VPS35L: variants seen among roughly 807,000 people sequenced by gnomAD.
The protein encoded by VPS35L is VPS35 endosomal protein sorting factor like.
Under a neutral mutation model 133.0 loss-of-function variants are expected in VPS35L, and 83 were observed. The ratio of observed to expected loss-of-function variants is 0.62; its 90% CI spans 0.52 to 0.75. The LOEUF (loss-of-function observed/expected upper bound fraction) is 0.75, where lower values mean the gene tolerates loss of function less well. VPS35L is among the 30% of genes least tolerant of loss of function. The pLI, the probability that VPS35L is intolerant of heterozygous loss-of-function variation, is 0.00. For missense variants in VPS35L, 1,083 were observed against 1,206.8 expected, an observed-to-expected ratio of 0.90 and a Z score of 1.52; for synonymous variants, 423 against 449.9, an observed-to-expected ratio of 0.94 and a Z score of 0.76.
chr16:19,571,250 T>G (rs1369402817), intron 3 of VPS35L, among the ~76,000 whole-genome samples: 1 of 152,130 alleles, frequency 6.6e-6, no homozygotes, highest in Admixed American at 6.5e-5. Flanking sequence ...ATAGTCTTGC[T>G]CTTTTGCCTA....
rs1975302720 is a variant in VPS35L at position 19,682,158 on chromosome 16, T to C, written c.2362-67T>C. 3.9e-6 allele frequency: 6 copies of C among 1,551,866 alleles called. 1 individual carries two copies. The highest frequency in any genetic ancestry group is 3.5e-5 in the South Asian group (3 of 86,406). On this transcript the variant is annotated intron_variant, in intron 27 of 30. Transcript: ENST00000417362. ...CTGCGGGAGGATCTGGGCTTCTGTG[T>C]TGATTTTCTTTTTCCCTCCCTGCTT...
intron 27 of VPS35L, among the ~76,000 whole-genome samples, chr16:19,674,239 A>G (rs1974984685): frequency 2.4e-5 from 3 of 123,960 alleles, no homozygotes; most frequent in South Asian, 5.1e-4. Flanking sequence ...CCCAGGCTAG[A>G]TGGAATGCAG....
At chr16:19,600,354 C>G (rs527521899) in intron 8 of VPS35L, among the ~76,000 whole-genome samples, 1 of 152,046 alleles carries the variant, frequency 6.6e-6, no homozygotes, top group East Asian at 1.9e-4. Flanking sequence ...TTTTTTACTT[C>G]CACATATTGA....
chr16:19,616,430 TGAG>T (rs1972895098), intron 13 of VPS35L, among the ~76,000 whole-genome samples: 1 of 152,152 alleles, frequency 6.6e-6, no homozygotes, highest in Non-Finnish European at 1.5e-5. Flanking sequence ...GCCTTGCTTC[TGAG>T]CATCTGCTGG....
chr16:19,599,564 C>G lies in VPS35L; in HGVS notation c.725-2100C>G, dbSNP rs115363570. 3.2e-3 allele frequency among the ~76,000 whole-genome samples: 480 copies of G among 150,054 alleles called. 3 individuals are homozygous for G. Among genetic ancestry groups the G allele is most frequent in the African/African-American group, 0.011 (463 of 40,482 alleles). On this transcript the variant is annotated intron_variant, in intron 8 of 30. Coordinates refer to ENST00000417362, the MANE Select transcript of VPS35L (RefSeq NM_020314.7). The stretch of plus-strand genomic sequence containing the variant: ...TTTTTTTTTTTTTTAAAGACAGTGT[C>G]TCACTCTGTTGCCCCAGGCTGGAGT...
intron 19 of VPS35L, among the ~76,000 whole-genome samples, chr16:19,634,804 AAG>A (rs1567442746): frequency 6.6e-6 from 1 of 152,172 alleles, no homozygotes; most frequent in East Asian, 1.9e-4. Flanking sequence ...TGCATATCTC[AAG>A]AGGTCTTCCT....
intron 7 of VPS35L, among the ~76,000 whole-genome samples, chr16:19,591,364 C>G (rs1321447679): frequency 3.9e-5 from 6 of 152,136 alleles, no homozygotes; most frequent in African/African-American, 1.4e-4. Flanking sequence ...GTTCAGTATA[C>G]AAGCAGGATC....
intron 3 of VPS35L, among the ~76,000 whole-genome samples, chr16:19,572,329 A>T (rs139612185): frequency 0.051 from 7,779 of 152,210 alleles, 364 homozygotes; most frequent in East Asian, 0.21. Context: ...GAGACAGGAG[A>T]ATCACTTGAA....
intron 12 of VPS35L, among the ~76,000 whole-genome samples, chr16:19,613,168 T>C (rs1272535348): frequency 6.6e-6 from 1 of 152,064 alleles, no homozygotes; most frequent in Non-Finnish European, 1.5e-5. Flanking sequence ...CCGGGCGTGG[T>C]GGTACACGCC....
chr16:19,621,457 C>T (rs1349902976), intron 14 of VPS35L, among the ~76,000 whole-genome samples: 2 of 152,194 alleles, frequency 1.3e-5, no homozygotes, highest in African/African-American at 4.8e-5. Context: ...GTAGGGCCAA[C>T]AGCAACAATA....
intron 28 of VPS35L, 117 bp from the exon 29 acceptor site, chr16:19,691,236 C>G (rs1300645693): frequency 2.0e-5 from 16 of 799,754 alleles, no homozygotes; most frequent in Admixed American, 3.9e-5. Flanking sequence ...TTCCATGTGC[C>G]CTGCCACGAC....
intron 1 of VPS35L, among the ~76,000 whole-genome samples, chr16:19,563,635 C>T (rs1357017412): frequency 6.6e-6 from 1 of 152,186 alleles, no homozygotes; most frequent in Non-Finnish European, 1.5e-5. Flanking sequence ...GCTTCAGTCT[C>T]CCCCTTTATT....
intron 27 of VPS35L, among the ~76,000 whole-genome samples, chr16:19,674,184 CTTT>C (rs201038834): frequency 5.6e-5 from 4 of 70,904 alleles, no homozygotes; most frequent in African/African-American, 1.9e-4. Flanking sequence ...TTTTCTTTTT[CTTT>C]TTTTTTTTTT....
Position 19,633,724 on chromosome 16 carries a change from GT to G in VPS35L, c.1635+561del, listed in dbSNP as rs971387275. On this transcript the variant is annotated intron_variant, in intron 19 of 30. Coordinates refer to ENST00000417362, the MANE Select transcript of VPS35L (RefSeq NM_020314.7). The surrounding 1 kb of genome is among the most constrained non-coding windows in gnomAD (Gnocchi z 4.1). ...CCAGATTTACTAGCTGTTAACATTT[GT>G]TTTTTTTTGTTTTTGTTTTTGTTTT... Among the ~76,000 whole-genome samples, 1 of 150,636 alleles carries G rather than the reference GT, an allele frequency of 6.6e-6. No individual in the cohort carries two copies.
intron 8 of VPS35L, among the ~76,000 whole-genome samples, chr16:19,600,064 T>C (rs964864337): frequency 1.3e-5 from 2 of 152,104 alleles, no homozygotes; most frequent in Admixed American, 6.6e-5. Flanking sequence ...TGAATGTAGA[T>C]AGGAAGGTAT....
chr16:19,559,704 T>C (rs1970966708), intron 1 of VPS35L, among the ~76,000 whole-genome samples: 1 of 152,022 alleles, frequency 6.6e-6, no homozygotes, highest in South Asian at 2.1e-4. Flanking sequence ...AAGATTTATT[T>C]CCACAAGCAG....
intron 24 of VPS35L, among the ~76,000 whole-genome samples, chr16:19,649,116 G>A (rs1207575856): frequency 6.6e-6 from 1 of 152,008 alleles, no homozygotes; most frequent in Non-Finnish European, 1.5e-5. Flanking sequence ...AGCCTCCCGA[G>A]TAGCTATAAT....
rs1971693103 is a variant in VPS35L, at chr16:19,581,037, T to C, written c.511-488T>C. Among the ~76,000 whole-genome samples the C allele has an allele frequency of 1.3e-5, 2 of 152,102 alleles. 1 individual carries two copies. Among genetic ancestry groups the C allele is most frequent in the African/African-American group, 4.8e-5 (2 of 41,400 alleles). ...TCCTGAGCATTTATCTCAGTTTGAGTTAATATCCGTCTGTCTTCAGAATCT... is the reference window on the plus strand; with the variant it reads ...TCCTGAGCATTTATCTCAGTTTGAGCTAATATCCGTCTGTCTTCAGAATCT... On this transcript the variant is annotated intron_variant, in intron 6 of 30. Coordinates refer to ENST00000417362, the MANE Select transcript of VPS35L (RefSeq NM_020314.7).
At chr16:19,694,323 C>G (rs973733904) in intron 29 of VPS35L, 2 of 152,138 alleles carry the variant, frequency 1.3e-5, no homozygotes, top group Non-Finnish European at 2.9e-5. Context: ...CAAACATGCA[C>G]AAACACTCAG....
Sources: allele counts gnomAD v4.1 joint callset (sites outside exome capture counted in the v4.1 genomes callset), GRCh38; gene constraint gnomAD v4.1.1; non-coding constraint Gnocchi (gnomAD v3.1); transcripts MANE v1.5; gene names NCBI Gene and HGNC (gene_info 2026-07-23, HGNC 2026-07-21).